DSCAML1: variants seen among roughly 807,000 people sequenced by gnomAD.
DSCAML1 encodes the protein cell adhesion molecule DSCAML1.
DSCAML1 carries 38 observed loss-of-function variants against 200.5 expected under a neutral mutation model. The ratio of observed to expected loss-of-function variants is 0.19; its 90% confidence interval spans 0.15 to 0.25. The LOEUF (loss-of-function observed/expected upper bound fraction) is 0.25. DSCAML1 is among the 10% of genes least tolerant of loss of function. DSCAML1 has a pLI of 1.00. For synonymous variants in DSCAML1, 1,215 were observed against 1,165.0 expected (o/e 1.04, Z -0.87); for missense variants, 2,223 against 2,858.8 (o/e 0.78, Z 5.07).
chr11:117,626,838 G>A (rs1466385586), intron 3 of DSCAML1, among the ~76,000 whole-genome samples: 1 of 152,158 alleles, frequency 6.6e-6, no homozygotes, highest in Admixed American at 6.5e-5. Flanking sequence ...GCCATGAGCG[G>A]CAGGTGCAGA....
At chr11:117,812,845 C>T (rs2055772643) in intron 1 of DSCAML1, among the ~76,000 whole-genome samples, 2 of 149,660 alleles carry the variant, frequency 1.3e-5, no homozygotes, top group African/African-American at 4.9e-5. Flanking sequence ...GAGCCAGGAC[C>T]GCACACTGTA....
chr11:117,706,031 G>A (rs2053753402), intron 3 of DSCAML1, among the ~76,000 whole-genome samples: 3 of 152,116 alleles, frequency 2.0e-5, no homozygotes, highest in Non-Finnish European at 4.4e-5. Flanking sequence ...TCCTCTGTCC[G>A]AGACAGCTGA....
upstream of DSCAML1, among the ~76,000 whole-genome samples, chr11:117,798,689 A>C (rs2055626317): frequency 6.6e-6 from 1 of 152,068 alleles, no homozygotes; most frequent in Admixed American, 6.5e-5. Flanking sequence ...TAGGTACCTC[A>C]TAAGTGAGAT....
intron 3 of DSCAML1, among the ~76,000 whole-genome samples, chr11:117,682,735 T>C (rs2053332966): frequency 6.6e-6 from 1 of 152,096 alleles, no homozygotes; most frequent in African/African-American, 2.4e-5. Flanking sequence ...GAGAATATGT[T>C]CCATGTCCCC....
intron 3 of DSCAML1, among the ~76,000 whole-genome samples, chr11:117,726,615 A>G (rs940823526): frequency 6.6e-6 from 1 of 152,036 alleles, no homozygotes. Context: ...CGGAAGGAAG[A>G]AGACCAAGCA....
chr11:117,559,874 G>T (rs1046176695), intron 3 of DSCAML1, among the ~76,000 whole-genome samples: 1 of 152,130 alleles, frequency 6.6e-6, no homozygotes, highest in African/African-American at 2.4e-5. Flanking sequence ...GGGTGAGAGG[G>T]AGGGTGGGAT....
At chr11:117,788,772 G>C (rs2055408414) in intron 1 of DSCAML1, among the ~76,000 whole-genome samples, 1 of 152,182 alleles carries the variant, frequency 6.6e-6, no homozygotes, top group Non-Finnish European at 1.5e-5. Flanking sequence ...CAGGCTCTTA[G>C]GTCAAATAAT....
chr11:117,573,179 T>G (rs2050875249), intron 3 of DSCAML1, among the ~76,000 whole-genome samples: 1 of 152,146 alleles, frequency 6.6e-6, no homozygotes, highest in Admixed American at 6.5e-5. Context: ...ATCTGAACAC[T>G]CCAACCCCGA....
At chr11:117,775,416 C>T (rs2055112334) in intron 3 of DSCAML1, among the ~76,000 whole-genome samples, 1 of 152,188 alleles carries the variant, frequency 6.6e-6, no homozygotes, top group Non-Finnish European at 1.5e-5. Context: ...AGACAAAACA[C>T]CCTTCCTAAC....
intron 3 of DSCAML1, among the ~76,000 whole-genome samples, chr11:117,579,107 A>C (rs2050999902): frequency 6.6e-6 from 1 of 151,986 alleles, no homozygotes; most frequent in African/African-American, 2.4e-5. Context: ...CTCTAAGTAC[A>C]TTGCCATGGC....
chr11:117,519,195 A>C (rs1437108974), intron 6 of DSCAML1, among the ~76,000 whole-genome samples: 2 of 152,230 alleles, frequency 1.3e-5, no homozygotes, highest in Non-Finnish European at 2.9e-5. Context: ...ATAAAGACAC[A>C]AGCTCAGAAG....
chr11:117,578,304 C>G (rs1414427731), intron 3 of DSCAML1, among the ~76,000 whole-genome samples: 1 of 151,322 alleles, frequency 6.6e-6, no homozygotes, highest in Non-Finnish European at 1.5e-5. Context: ...CAGTCTATCC[C>G]AATCCCCCTT....
At chr11:117,687,828 T>A (rs1329205459) in intron 3 of DSCAML1, among the ~76,000 whole-genome samples, 2 of 152,174 alleles carry the variant, frequency 1.3e-5, no homozygotes, top group South Asian at 2.1e-4. Context: ...TGTCCTGCAC[T>A]CCCATGCAAA....
At chr11:117,551,789 G>A (rs948566080) in intron 3 of DSCAML1, among the ~76,000 whole-genome samples, 1 of 139,996 alleles carries the variant, frequency 7.1e-6, no homozygotes, top group Non-Finnish European at 1.6e-5. Context: ...GTGGCCTGGC[G>A]GCTGTGGGGG....
chr11:117,606,393 C>A (rs571630334), intron 3 of DSCAML1, among the ~76,000 whole-genome samples: 1 of 152,350 alleles, frequency 6.6e-6, no homozygotes, highest in East Asian at 1.9e-4. Context: ...GCTGTGCAAA[C>A]TTCCTGCTCC....
intron 3 of DSCAML1, among the ~76,000 whole-genome samples, chr11:117,659,533 AT>A (rs1459470598): frequency 6.6e-6 from 1 of 152,182 alleles, no homozygotes; most frequent in Non-Finnish European, 1.5e-5. Flanking sequence ...AGACATTTTT[AT>A]TGTTTAAGCA....
intron 3 of DSCAML1, among the ~76,000 whole-genome samples, chr11:117,768,660 T>G (rs1259191982): frequency 1.3e-5 from 2 of 152,226 alleles, no homozygotes; most frequent in Non-Finnish European, 2.9e-5. Context: ...AGGCCCAATT[T>G]TTATTTCAAG....
chr11:117,458,532 T>A (rs1032162501), intron 19 of DSCAML1, among the ~76,000 whole-genome samples: 1 of 151,790 alleles, frequency 6.6e-6, no homozygotes. Context: ...CAGGTGTGTA[T>A]GTAGGGGGTG....
chr11:117,775,606 G>T (rs1223617495), intron 3 of DSCAML1, among the ~76,000 whole-genome samples: 1 of 151,984 alleles, frequency 6.6e-6, no homozygotes. Flanking sequence ...CTCAAAGAAA[G>T]TCTCCTGCTG....
Sources: gnomAD v4.1 joint callset for allele counts (sites outside exome capture counted in the v4.1 genomes callset) on GRCh38, gnomAD v4.1.1 for gene constraint, MANE v1.5 for transcripts, NCBI Gene and HGNC (gene_info 2026-07-23, HGNC 2026-07-21) for gene names.